GLI3: variants seen among roughly 807,000 people sequenced by gnomAD.
GLI3 encodes the protein transcription activator GLI3.
A neutral mutation model predicts 100.8 loss-of-function variants in GLI3; 20 were observed. The observed-to-expected ratio is 0.20, with a 90% CI of 0.14 to 0.29. GLI3 has a LOEUF of 0.29. Among genes scored for constraint, GLI3 ranks in the 10% least tolerant of loss-of-function variants. The pLI is 1.00. For missense variants in GLI3, 2,040 were observed against 2,128.5 expected, an observed-to-expected ratio of 0.96 and a Z score of 0.82; for synonymous variants, 938 against 860.5, an observed-to-expected ratio of 1.09 and a Z score of -1.58.
At chr7:42,158,338 G>C (rs1198804136) in intron 2 of GLI3, among the ~76,000 whole-genome samples, 1 of 152,180 alleles carries the variant, frequency 6.6e-6, no homozygotes, top group Non-Finnish European at 1.5e-5. Flanking sequence ...AAGATTAAGC[G>C]ACTGGCTTAA....
intron 3 of GLI3, among the ~76,000 whole-genome samples, chr7:42,132,138 T>C (rs926358090): frequency 6.6e-6 from 1 of 152,038 alleles, no homozygotes; most frequent in African/African-American, 2.4e-5. Flanking sequence ...GCTCGCTCTG[T>C]CGCCCAGGCT....
At chr7:42,132,225 C>G (rs926264869) in intron 3 of GLI3, among the ~76,000 whole-genome samples, 2 of 151,822 alleles carry the variant, frequency 1.3e-5, no homozygotes, top group Non-Finnish European at 2.9e-5. Context: ...CTCAGCCTCC[C>G]GAGTAGCTGG....
intron 10 of GLI3, among the ~76,000 whole-genome samples, chr7:42,009,249 T>C (rs972342352): frequency 6.6e-6 from 1 of 152,212 alleles, no homozygotes; most frequent in Non-Finnish European, 1.5e-5. Context: ...AATGATATTG[T>C]GAAAGAAAAT....
chr7:42,052,973 G>A (rs1331965870), intron 4 of GLI3, among the ~76,000 whole-genome samples: 1 of 152,138 alleles, frequency 6.6e-6, no homozygotes, highest in Non-Finnish European at 1.5e-5. Context: ...TTGGCAGCTA[G>A]ATCATTTGTC....
chr7:42,229,400 C>A (rs1788650731), intron 1 of GLI3, among the ~76,000 whole-genome samples: 1 of 152,184 alleles, frequency 6.6e-6, no homozygotes, highest in Admixed American at 6.5e-5. Flanking sequence ...ATTAACAGCA[C>A]CATGGCTCAG....
chr7:42,198,471 G>A (rs754319897), intron 2 of GLI3, among the ~76,000 whole-genome samples: 27 of 152,054 alleles, frequency 1.8e-4, no homozygotes, highest in Non-Finnish European at 1.9e-4. Context: ...TGAGATCTCC[G>A]TTGCAGAGCC....
intron 2 of GLI3, among the ~76,000 whole-genome samples, chr7:42,168,301 A>G (rs2128674857): frequency 6.6e-6 from 1 of 152,330 alleles, no homozygotes; most frequent in South Asian, 2.1e-4. Context: ...TACTTTGCTC[A>G]AGAGATGTTA....
chr7:42,086,732 T>C (rs541379664), intron 3 of GLI3, among the ~76,000 whole-genome samples: 1 of 152,020 alleles, frequency 6.6e-6, no homozygotes, highest in East Asian at 1.9e-4. Context: ...TGGGATCGAG[T>C]GCTCCTTCCT....
At chr7:42,031,131 C>G (rs1336673177) in intron 7 of GLI3, among the ~76,000 whole-genome samples, 1 of 152,130 alleles carries the variant, frequency 6.6e-6, no homozygotes, top group Non-Finnish European at 1.5e-5. Flanking sequence ...TTTCTGTTCA[C>G]CCCACTCTTT....
rs752641373 is a variant in GLI3, at chr7:41,966,860, G to A, written c.2432-219C>T. Among the ~76,000 whole-genome samples the A allele has an allele frequency of 6.6e-6, 1 of 151,978 alleles. No individual in the cohort carries two copies. Among genetic ancestry groups the A allele is most frequent in the Non-Finnish European group, 1.5e-5 (1 of 67,970 alleles). ...GCAAGCGTGGCGGGGTGTCCATGAA[G>A]CTTCCTTTACAAAAACAGGGGCGGC... On this transcript the variant is annotated intron_variant, in intron 14 of 14. Transcript: ENST00000395925. The surrounding 1 kb of genome is among the most constrained non-coding windows in gnomAD (Gnocchi z 5.8).
At chr7:42,033,602 A>G (rs1220905346) in intron 7 of GLI3, among the ~76,000 whole-genome samples, 1 of 152,212 alleles carries the variant, frequency 6.6e-6, no homozygotes, top group Non-Finnish European at 1.5e-5. Context: ...GGAGAGAGAC[A>G]CATTCAAAGC....
chr7:42,113,389 G>C, intron 3 of GLI3: 1 of 697,186 alleles, frequency 1.4e-6, no homozygotes, highest in East Asian at 2.8e-5. Context: ...GGCTGAGGGG[G>C]ATGCTGAAGG....
chr7:41,968,743 A>AAGAAAGAAG (rs1787276709), intron 13 of GLI3, among the ~76,000 whole-genome samples: 3 of 129,734 alleles, frequency 2.3e-5, no homozygotes, highest in African/African-American at 1.1e-4. Flanking sequence ...AAAGAAAGAA[A>AAGAAAGAAG]GAAAGAAAGA....
Position 42,109,405 on chromosome 7 carries a change from G to A in GLI3, c.368-32548C>T, listed in dbSNP as rs184742680. ...AATTTAAGTCCCACACAAACCCCAT[G>A]GGCTATAATAAGATATTGCTGATGT... On this transcript the variant is annotated intron_variant, in intron 3 of 14. Transcript: ENST00000395925. 2.1e-3 allele frequency among the ~76,000 whole-genome samples: 325 copies of A among 152,278 alleles called. 3 individuals are homozygous for A. Among genetic ancestry groups the A allele is most frequent in the Non-Finnish European group, 7.4e-4 (50 of 68,026 alleles).
rs112849078 is a variant in GLI3 at position 42,217,421 on chromosome 7, G to A, written c.124+5709C>T. Among the ~76,000 whole-genome samples, 336 of 152,230 alleles carry A rather than the reference G, an allele frequency of 2.2e-3. 2 individuals are homozygous for A. Among genetic ancestry groups the A allele is most frequent in the African/African-American group, 7.7e-3 (318 of 41,532 alleles). ...CAGAATATTTGTCATCAGTTAGTTG[G>A]TTTAGAAACATAAAAACTCTCTATA... On this transcript the variant is annotated intron_variant, in intron 2 of 14. Coordinates refer to ENST00000395925, the MANE Select transcript of GLI3 (RefSeq NM_000168.6).
intron 1 of GLI3, among the ~76,000 whole-genome samples, chr7:42,246,805 C>CTTTTTTTGTTTTTTTTTTTTTTTTTT (rs1788980283): frequency 1.1e-5 from 1 of 94,996 alleles, no homozygotes; most frequent in South Asian, 3.8e-4. Context: ...ATGATAGAAT[C>CTTTTTTTGTTTTTTTTTTTTTTTTTT]TTTTTTTTTT....
At chr7:42,110,950 A>G (rs1399708423) in intron 3 of GLI3, among the ~76,000 whole-genome samples, 1 of 152,176 alleles carries the variant, frequency 6.6e-6, no homozygotes, top group African/African-American at 2.4e-5. Flanking sequence ...CCAGAACAGC[A>G]CGAGCTTTGG....
At position 41,972,709 on chromosome 7, in the gene GLI3, A is replaced by C. The variant is rs1400525111; in HGVS notation, c.1813-82T>G. ...GCCCAAAAGTCCTTTATGGTTGCTCATTACATTTTTAATCCTTTCAAAACA... is the reference window on the plus strand; with the variant it reads ...GCCCAAAAGTCCTTTATGGTTGCTCCTTACATTTTTAATCCTTTCAAAACA... On this transcript the variant is annotated intron_variant, in intron 12 of 14. Coordinates refer to ENST00000395925, the MANE Select transcript of GLI3 (RefSeq NM_000168.6). The surrounding 1 kb of genome is among the most constrained non-coding windows in gnomAD (Gnocchi z 4.4). The C allele has an allele frequency of 1.7e-6, 2 of 1,160,892 alleles. No individual in the cohort carries two copies. Among genetic ancestry groups the C allele is most frequent in the African/African-American group, 3.0e-5 (2 of 66,730 alleles). The allele number at this position is 1,160,892 out of a possible 1,614,324, so 71.9% of individuals were successfully genotyped here.
intron 3 of GLI3, among the ~76,000 whole-genome samples, chr7:42,124,592 C>G (rs1165586447): frequency 6.6e-6 from 1 of 152,174 alleles, no homozygotes; most frequent in African/African-American, 2.4e-5. Context: ...CTGTCCCCAA[C>G]CAAGTATGGA....
Sources: allele counts gnomAD v4.1 joint callset (sites outside exome capture counted in the v4.1 genomes callset), GRCh38; gene constraint gnomAD v4.1.1; non-coding constraint Gnocchi (gnomAD v3.1); transcripts MANE v1.5; gene names NCBI Gene and HGNC (gene_info 2026-07-23, HGNC 2026-07-21).